The following SH3RF3 variants were observed in gnomAD, a reference collection of about 807,000 sequenced individuals.
SH3RF3 encodes the protein E3 ubiquitin-protein ligase SH3RF3.
Under a neutral mutation model 66.3 loss-of-function variants are expected in SH3RF3, and 29 were observed. The ratio of observed to expected loss-of-function variants is 0.44; its 90% CI spans 0.33 to 0.60. The LOEUF (loss-of-function observed/expected upper bound fraction) is 0.60, where lower values mean the gene tolerates loss of function less well. Ranked by LOEUF, SH3RF3 falls within the 20% of genes least tolerant of loss-of-function variation. The pLI, the probability that SH3RF3 is intolerant of heterozygous loss-of-function variation, is 0.04. For synonymous variants in SH3RF3, 583 were observed against 532.0 expected (o/e 1.10, Z -1.32); for missense variants, 1,194 against 1,190.9 (o/e 1.00, Z -0.04).
chr2:109,344,990 G>C (rs572693078), intron 1 of SH3RF3, among the ~76,000 whole-genome samples: 1 of 152,176 alleles, frequency 6.6e-6, no homozygotes, highest in Non-Finnish European at 1.5e-5. Context: ...CAGTGAAGGG[G>C]GGTGTCAGGG....
intron 1 of SH3RF3, among the ~76,000 whole-genome samples, chr2:109,175,942 T>C (rs1353707748): frequency 1.3e-5 from 2 of 152,242 alleles, no homozygotes; most frequent in African/African-American, 4.8e-5. Flanking sequence ...TAATACTTTA[T>C]TTTTCTGGAT....
intron 1 of SH3RF3, among the ~76,000 whole-genome samples, chr2:109,244,510 A>G (rs1679865713): frequency 6.6e-6 from 1 of 152,168 alleles, no homozygotes; most frequent in African/African-American, 2.4e-5. Flanking sequence ...TGAGATTGAA[A>G]ATTAAATTTA....
chr2:109,385,783 C>T (rs935300894), intron 3 of SH3RF3, among the ~76,000 whole-genome samples: 1 of 152,214 alleles, frequency 6.6e-6, no homozygotes, highest in East Asian at 1.9e-4. Flanking sequence ...CCTGCAGCCA[C>T]TGGACTGAGG....
At chr2:109,396,814 G>A (rs557740501) in intron 3 of SH3RF3, among the ~76,000 whole-genome samples, 2 of 152,368 alleles carry the variant, frequency 1.3e-5, no homozygotes, top group South Asian at 2.1e-4. Flanking sequence ...GCCACAGAGC[G>A]GGCGTGACTC....
chr2:109,498,815 G>A (rs1307978602), intron 9 of SH3RF3, among the ~76,000 whole-genome samples: 2 of 152,184 alleles, frequency 1.3e-5, no homozygotes, highest in Non-Finnish European at 2.9e-5. Flanking sequence ...TGGCTGGGCA[G>A]TGGAAGATGG....
intron 1 of SH3RF3, among the ~76,000 whole-genome samples, chr2:109,237,051 A>G (rs1429449028): frequency 2.0e-5 from 3 of 152,222 alleles, no homozygotes; most frequent in African/African-American, 7.2e-5. Flanking sequence ...AAGCAGTGAC[A>G]TCATCTCACT....
intron 1 of SH3RF3, among the ~76,000 whole-genome samples, chr2:109,209,442 G>A (rs562960138): frequency 1.3e-5 from 2 of 152,304 alleles, no homozygotes; most frequent in East Asian, 3.9e-4. Context: ...ATTCCAAGCT[G>A]CTTATGTGAT....
At chr2:109,469,521 A>C (rs1678447239) in intron 8 of SH3RF3, among the ~76,000 whole-genome samples, 1 of 152,138 alleles carries the variant, frequency 6.6e-6, no homozygotes, top group South Asian at 2.1e-4. Context: ...TAATTTCATC[A>C]AAGCACAAAA....
intron 1 of SH3RF3, among the ~76,000 whole-genome samples, chr2:109,318,989 GA>G (rs1380542674): frequency 1.3e-5 from 2 of 152,200 alleles, no homozygotes; most frequent in Non-Finnish European, 2.9e-5. Context: ...TCCCAGAACA[GA>G]TCAAAGCCCT....
At chr2:109,166,407 G>A (rs1218009613) in intron 1 of SH3RF3, among the ~76,000 whole-genome samples, 3 of 151,616 alleles carry the variant, frequency 2.0e-5, no homozygotes, top group Admixed American at 2.0e-4. Flanking sequence ...AACGTGGGAG[G>A]CGGAGGTTGT....
At chr2:109,248,609 GTA>G in intron 1 of SH3RF3, among the ~76,000 whole-genome samples, 1 of 152,338 alleles carries the variant, frequency 6.6e-6, no homozygotes, top group Admixed American at 6.5e-5. Flanking sequence ...GACCAAACAT[GTA>G]TATTAAATAG....
At chr2:109,412,455 G>A (rs1054789913) in intron 4 of SH3RF3, among the ~76,000 whole-genome samples, 1 of 152,238 alleles carries the variant, frequency 6.6e-6, no homozygotes, top group Non-Finnish European at 1.5e-5. Context: ...GAACAGGACA[G>A]CAGGCATGGT....
At chr2:109,432,359 T>G in intron 5 of SH3RF3, 142 bp from the exon 6 acceptor site, 1 of 1,083,826 alleles carries the variant, frequency 9.2e-7, no homozygotes, top group African/African-American at 1.6e-5. Flanking sequence ...GTGAGGCCTC[T>G]GTAAACTGCA....
intron 1 of SH3RF3, among the ~76,000 whole-genome samples, chr2:109,220,528 T>C (rs894528433): frequency 6.6e-6 from 1 of 152,232 alleles, no homozygotes; most frequent in African/African-American, 2.4e-5. Context: ...AATCATTGTT[T>C]AGTAAATAAT....
At chr2:109,400,458 C>CACACAT (rs1559063148) in intron 4 of SH3RF3, among the ~76,000 whole-genome samples, 2 of 152,164 alleles carry the variant, frequency 1.3e-5, no homozygotes, top group Admixed American at 6.5e-5. Context: ...TCCACATGCA[C>CACACAT]ACACATACAC....
At chr2:109,371,550 C>T (rs375745469) in intron 2 of SH3RF3, 36 bp from the exon 3 acceptor site, 294 of 1,572,856 alleles carry the variant, frequency 1.9e-4, no homozygotes, top group Admixed American at 6.0e-4. Flanking sequence ...TGTGTGTGTC[C>T]GTATGCTTGT....
chr2:109,399,023 T>C, intron 4 of SH3RF3, 80 bp downstream of exon 4: 1 of 1,412,618 alleles, frequency 7.1e-7, no homozygotes, highest in Non-Finnish European at 9.5e-7. Flanking sequence ...TGTCCCCCGT[T>C]CCTCAACTAG....
rs529579908 is a variant in SH3RF3 at position 109,455,660 on chromosome 2, A to G, written c.2148+6171A>G. Among the ~76,000 whole-genome samples, 100 of 152,316 alleles carry G rather than the reference A, an allele frequency of 6.6e-4. 1 individual carries two copies. Among genetic ancestry groups the G allele is most frequent in the African/African-American group, 2.2e-3 (93 of 41,582 alleles). On this transcript the variant is annotated intron_variant, in intron 8 of 9. Transcript: ENST00000309415. ...GGCCAGGCAGCTCTCTCTAAAGTGA[A>G]GAATCGCTGGCTTATAAATGTATTT...
chr2:109,432,888 G>T (rs1677280446), intron 6 of SH3RF3, among the ~76,000 whole-genome samples: 1 of 152,252 alleles, frequency 6.6e-6, no homozygotes, highest in African/African-American at 2.4e-5. Flanking sequence ...AGCAGACATT[G>T]GCCACCAAGG....
Sources: gnomAD v4.1 joint callset for allele counts (sites outside exome capture counted in the v4.1 genomes callset) on GRCh38, gnomAD v4.1.1 for gene constraint, MANE v1.5 for transcripts, NCBI Gene and HGNC (gene_info 2026-07-23, HGNC 2026-07-21) for gene names.